ALDH5A1: variants seen among roughly 807,000 people sequenced by gnomAD.
The protein encoded by ALDH5A1 is succinate-semialdehyde dehydrogenase, mitochondrial.
Under a neutral mutation model 54.7 loss-of-function variants are expected in ALDH5A1, and 33 were observed. The ratio of observed to expected loss-of-function variants is 0.60; its 90% CI spans 0.46 to 0.81. The LOEUF is 0.81. ALDH5A1 is among the 30% of genes least tolerant of loss of function. The pLI is 0.00. For missense variants in ALDH5A1, 657 were observed against 711.0 expected, an observed-to-expected ratio of 0.92 and a Z score of 0.86; for synonymous variants, 294 against 292.7, an observed-to-expected ratio of 1.00 and a Z score of -0.05.
At position 24,528,102 on chromosome 6, in the gene ALDH5A1, A is replaced by C. The variant is rs1759856454; in HGVS notation, c.1279A>C (p.Asn427His). 1 of 1,614,032 alleles carries C rather than the reference A, an allele frequency of 6.2e-7. No individual in the cohort carries two copies. The highest frequency in any genetic ancestry group is 1.3e-5 in the African/African-American group (1 of 74,930). Residue 427 changes from asparagine (N) to histidine (H), a missense_variant, in exon 8 of 10, where the codon AAT becomes CAT. Transcript: ENST00000357578. ...TTTCTTTGAGCCTACCCTGCTGTGC[A>C]ATGTCACCCAGGACATGCTGTGCAC... ...KNFFEPTLLCNVTQDMLCTHE... is the reference protein window; with the variant it reads ...KNFFEPTLLCHVTQDMLCTHE...
At position 24,537,010 on chromosome 6, in the gene ALDH5A1, A is replaced by G. The variant is rs968683849; in HGVS notation, c.*3298A>G. Reference sequence around the variant, plus strand: ...ATAGCATTTTACTTGAATAATATGTATGTTGTCATTGTTTCATGCTATACT... The same window carrying G: ...ATAGCATTTTACTTGAATAATATGTGTGTTGTCATTGTTTCATGCTATACT... On this transcript the variant is annotated 3_prime_UTR_variant, in exon 10 of 10. Coordinates refer to ENST00000357578, the MANE Select transcript of ALDH5A1 (RefSeq NM_001080.3). 9.2e-5 allele frequency: 14 copies of G among 152,630 alleles called. No individual in the cohort carries two copies. Among genetic ancestry groups the G allele is most frequent in the African/African-American group, 3.1e-4 (13 of 41,450 alleles). 9.5% of individuals were successfully genotyped at this position (152,630 alleles called of 1,614,324 possible).
chr6:24,508,361 CAAAAAAAAAA>C (rs1214819272), intron 4 of ALDH5A1, among the ~76,000 whole-genome samples: 18 of 13,084 alleles, frequency 1.4e-3, no homozygotes, highest in Admixed American at 8.0e-3. Context: ...ACTCCATCTC[CAAAAAAAAAA>C]AAAAAAAAAA....
At chr6:24,514,736 A>G (rs931684485) in intron 4 of ALDH5A1, among the ~76,000 whole-genome samples, 4 of 151,976 alleles carry the variant, frequency 2.6e-5, no homozygotes, top group African/African-American at 7.3e-5. Flanking sequence ...TTAAAAAAAA[A>G]AAAGAAAGAA....
At chr6:24,522,478 CGTGTGTGTGTGT>C (rs5874989) in intron 6 of ALDH5A1, among the ~76,000 whole-genome samples, 1 of 134,496 alleles carries the variant, frequency 7.4e-6, no homozygotes, top group Non-Finnish European at 1.6e-5. Flanking sequence ...TCTTTTCTTT[CGTGTGTGTGTGT>C]GTGTGTGTGT....
chr6:24,507,486 A>T (rs4646841), intron 4 of ALDH5A1, among the ~76,000 whole-genome samples: 1 of 150,978 alleles, frequency 6.6e-6, no homozygotes. Context: ...TTCCCCCTTT[A>T]TCTTTAAAGA....
chr6:24,503,293 A>G lies in ALDH5A1; in HGVS notation c.469A>G (p.Ile157Val), dbSNP rs758260157. The change falls in exon 3 of 10, where the codon ATT becomes GTT. Residue 157 changes from isoleucine (I) to valine (V), a missense_variant. Around this residue, in one of 2 missense-constraint regions of ALDH5A1, gnomAD observed 425 missense variants for 516.4 expected, o/e 0.82. Transcript: ENST00000357578. ...GKPLKEAHGE[I>V]LYSAFFLEWF... ...GCCACTGAAGGAGGCACATGGAGAA[A>G]TTCTCTATTCCGCCTTTTTCCTAGA... 2 of 1,614,086 alleles carry G rather than the reference A, an allele frequency of 1.2e-6. No individual in the cohort carries two copies. The highest frequency in any genetic ancestry group is 1.7e-6 in the Non-Finnish European group (2 of 1,180,034).
At position 24,507,318 on chromosome 6, in the gene ALDH5A1, A is replaced by AT. The variant is rs4646839; in HGVS notation, c.726+2346dup. On this transcript the variant is annotated intron_variant, in intron 4 of 9. Transcript: ENST00000357578. ...GCTAGGTATAAAATCCTTGGCTCAC[A>AT]TTTTTTTTTTTTTACTTGATTATCT... 8.7e-5 allele frequency among the ~76,000 whole-genome samples: 13 copies of AT among 150,224 alleles called. No homozygotes were observed. In the East Asian group the frequency reaches 2.0e-3, roughly 23 times the overall value.
chr6:24,508,717 C>T (rs1759408231), intron 4 of ALDH5A1, among the ~76,000 whole-genome samples: 1 of 152,170 alleles, frequency 6.6e-6, no homozygotes, highest in Admixed American at 6.5e-5. Flanking sequence ...AGTGGTTGTA[C>T]TAGTTTACAT....
chr6:24,496,931 C>G (rs888241234), intron 1 of ALDH5A1, among the ~76,000 whole-genome samples: 20 of 152,174 alleles, frequency 1.3e-4, no homozygotes, highest in Admixed American at 5.2e-4. Context: ...CCATTCAGCC[C>G]GTAACATCAG....
At chr6:24,505,635 C>G (rs1759323688) in intron 4 of ALDH5A1, among the ~76,000 whole-genome samples, 1 of 152,148 alleles carries the variant, frequency 6.6e-6, no homozygotes, top group South Asian at 2.1e-4. Flanking sequence ...CACTCAAATT[C>G]CTCTCTCCCA....
chr6:24,533,053 G>A (rs1581827338), intron 9 of ALDH5A1, among the ~76,000 whole-genome samples: 1 of 152,196 alleles, frequency 6.6e-6, no homozygotes, highest in Non-Finnish European at 1.5e-5. Flanking sequence ...GTAAGAAAGG[G>A]TGAGGAGAAT....
chr6:24,508,939 G>A (rs1414210040), intron 4 of ALDH5A1, among the ~76,000 whole-genome samples: 2 of 152,046 alleles, frequency 1.3e-5, no homozygotes, highest in African/African-American at 4.8e-5. Flanking sequence ...TGTCTATTAT[G>A]TTCTTAGCCC....
chr6:24,517,487 G>A (rs947988616), intron 5 of ALDH5A1, among the ~76,000 whole-genome samples: 11 of 152,226 alleles, frequency 7.2e-5, no homozygotes, highest in Non-Finnish European at 1.3e-4. Flanking sequence ...TCCGCAGAAA[G>A]ATTCAAATGT....
At chr6:24,502,197 G>A (rs1764834625) in intron 1 of ALDH5A1, among the ~76,000 whole-genome samples, 1 of 152,176 alleles carries the variant, frequency 6.6e-6, no homozygotes, top group South Asian at 2.1e-4. Flanking sequence ...CATGCAGAGA[G>A]TGAATTTGCT....
chr6:24,532,237 T>C lies in ALDH5A1; in HGVS notation c.1402+60T>C, dbSNP rs759129165. 4 of 1,546,484 alleles carry C rather than the reference T, an allele frequency of 2.6e-6. No homozygotes were observed. The African/African-American group carries it at 5.4e-5, about 21-fold the overall frequency. On this transcript the variant is annotated intron_variant, in intron 9 of 9. Coordinates refer to ENST00000357578, the MANE Select transcript of ALDH5A1 (RefSeq NM_001080.3). ...TCATTTTTCTCCAGCTCATGCCAGA[T>C]TTACCCTTTTAAACATCACCCTGGG...
intron 6 of ALDH5A1, among the ~76,000 whole-genome samples, chr6:24,521,830 G>A (rs542887895): frequency 5.3e-5 from 8 of 149,628 alleles, no homozygotes; most frequent in African/African-American, 2.0e-4. Context: ...ACCAGCCTGG[G>A]CAACAGAGTG....
At chr6:24,529,247 A>G (rs1759880563) in intron 8 of ALDH5A1, among the ~76,000 whole-genome samples, 1 of 150,722 alleles carries the variant, frequency 6.6e-6, no homozygotes, top group African/African-American at 2.4e-5. Context: ...GCTCACTGCA[A>G]CCTCCACCTC....
chr6:24,495,066 C>A lies in ALDH5A1; in HGVS notation c.70C>A (p.Leu24Ile). ...RLGSTFPGCR[L>I]RPRAGGLVPA... is the part of the protein sequence containing the mutation. ...CGGGTCGACGTTTCCAGGCTGCCGC[C>A]TCCGCCCCCGCGCCGGCGGCCTGGT... Residue 24 changes from leucine to isoleucine, a missense_variant, in exon 1 of 10, where the codon CTC (leucine) becomes ATC (isoleucine). Around this residue, in one of 2 missense-constraint regions of ALDH5A1, gnomAD observed 232 missense variants for 194.6 expected, o/e 1.19. Transcript: ENST00000357578. 1 of 1,337,578 alleles carries A rather than the reference C, an allele frequency of 7.5e-7. No homozygotes were observed. The highest frequency in any genetic ancestry group is 9.6e-7 in the Non-Finnish European group (1 of 1,046,144). The allele number at this position is 1,337,578 out of a possible 1,614,324, so 82.9% of individuals were successfully genotyped here.
intron 4 of ALDH5A1, among the ~76,000 whole-genome samples, chr6:24,512,590 T>C (rs1233976320): frequency 1.3e-5 from 2 of 152,240 alleles, no homozygotes. Flanking sequence ...ATGTTGGTTG[T>C]TCTTTTGTGT....
Sources: gnomAD v4.1 joint callset for allele counts (sites outside exome capture counted in the v4.1 genomes callset) on GRCh38, gnomAD v4.1.1 for gene constraint, gnomAD v4.1.1 regional missense constraint, MANE v1.5 for transcripts, NCBI Gene and HGNC (gene_info 2026-07-23, HGNC 2026-07-21) for gene names.